MORC4: variants seen among roughly 807,000 people sequenced by gnomAD.
MORC4 encodes MORC family CW-type zinc finger protein 4.
A neutral mutation model predicts 65.5 loss-of-function variants in MORC4; 22 were observed. The observed-to-expected ratio is 0.34, with a 90% CI of 0.24 to 0.48. MORC4 has a LOEUF of 0.48. Among genes scored for constraint, MORC4 ranks in the 20% least tolerant of loss-of-function variants. The probability of loss-of-function intolerance (pLI) is 0.99; values close to 1 mark genes in which losing one functional copy is unlikely to be tolerated. For synonymous variants in MORC4, 267 were observed against 255.8 expected, an observed-to-expected ratio of 1.04 and a Z score of -0.42; for missense variants, 624 against 703.0, an observed-to-expected ratio of 0.89 and a Z score of 1.27.
intron 14 of MORC4, among the ~76,000 whole-genome samples, chrX:106,943,911 A>G (rs1257371998): frequency 8.9e-6 from 1 of 112,750 alleles, no homozygotes. Flanking sequence ...ATGACCTTAA[A>G]TCATCTTCCA....
Position 106,941,226 on chromosome X carries a change from T to G in MORC4, c.*253A>C, listed in dbSNP as rs957580267. On this transcript the variant is annotated 3_prime_UTR_variant, in exon 17 of 17. Transcript: ENST00000355610. ...AATTAAAGCTTTCAGGTCACCTAGC[T>G]TAGTGACTATTGCTTTTCTGACCCT... The G allele has an allele frequency of 6.9e-6, 2 of 290,688 alleles. No individual in the cohort carries two copies. Among genetic ancestry groups the G allele is most frequent in the Non-Finnish European group, 1.2e-5 (2 of 165,607 alleles). The allele number at this position is 290,688 out of a possible 1,213,427, so 24.0% of individuals were successfully genotyped here.
intron 3 of MORC4, among the ~76,000 whole-genome samples, chrX:106,992,528 A>C (rs1935002225): frequency 8.9e-6 from 1 of 112,789 alleles, no homozygotes; most frequent in Admixed American, 9.4e-5. Flanking sequence ...CTCAACTACA[A>C]ATGTTTTAAA....
Position 106,986,190 on chromosome X carries a change from T to A in MORC4, c.319A>T (p.Thr107Ser). 5.0e-6 allele frequency: 6 copies of A among 1,189,674 alleles called. No homozygotes were observed. Among genetic ancestry groups the A allele is most frequent in the African/African-American group, 3.5e-5 (2 of 56,703 alleles). ...TGGCTCTTCTTTATTACTTTATCTG[T>A]AAAGCCAAAGCTGCAATTACACAAG... ...KLHRMLSFGF[T>S]DKVIKKSQCP... The change falls in exon 4 of 17, where the codon ACA becomes TCA. Residue 107 changes from threonine (T) to serine (S), a missense_variant. By Grantham distance (58) the Thr-to-Ser change is moderately conservative. Coordinates refer to ENST00000355610, the MANE Select transcript of MORC4 (RefSeq NM_024657.5).
chrX:106,976,523 T>C, intron 9 of MORC4, 61 bp downstream of exon 9: 1 of 740,642 alleles, frequency 1.4e-6, no homozygotes, highest in South Asian at 2.4e-5. Context: ...TTAGAGGCTT[T>C]AGAGAACAGA....
intron 12 of MORC4, 30 bp downstream of exon 12, chrX:106,956,906 G>A: frequency 9.0e-7 from 1 of 1,110,206 alleles, no homozygotes; most frequent in Non-Finnish European, 1.2e-6. Context: ...CTACCCTATG[G>A]TAGAGAACCC....
At position 106,986,149 on chromosome X, in the gene MORC4, G is replaced by A; in HGVS notation, c.360C>T (p.Val120=). 8.3e-7 allele frequency: 1 copy of A among 1,210,502 alleles called. No homozygotes were observed. The highest frequency in any genetic ancestry group is 1.1e-6 in the Non-Finnish European group (1 of 894,889). ...AGCCTGACTTGAAACCATTACCAAA[G>A]ACCCCAATGGGACACTGGCTCTTCT... ...VIKKSQCPIG[V]FGNGFKSGSM... Residue 120 remains valine, a synonymous_variant, in exon 4 of 17, where the codon GTC becomes GTT. Coordinates refer to ENST00000355610, the MANE Select transcript of MORC4 (RefSeq NM_024657.5).
intron 14 of MORC4, among the ~76,000 whole-genome samples, chrX:106,949,442 CCT>C (rs751664475): frequency 1.8e-5 from 2 of 111,970 alleles, no homozygotes; most frequent in South Asian, 7.4e-4. Context: ...GTCACACTTC[CCT>C]GTTTCTCTTC....
chrX:106,973,096 G>C (rs1292835846), intron 9 of MORC4, among the ~76,000 whole-genome samples: 1 of 112,321 alleles, frequency 8.9e-6, no homozygotes, highest in African/African-American at 3.2e-5. Flanking sequence ...CAGCTTTGAG[G>C]GTGGAGCCCT....
At chrX:106,985,342 A>G (rs906088364) in intron 4 of MORC4, 99 bp from the exon 5 acceptor site, 80 of 567,738 alleles carry the variant, frequency 1.4e-4, no homozygotes, top group Non-Finnish European at 2.1e-4. Flanking sequence ...AACTATAGAC[A>G]TACAGCATGC....
At chrX:106,954,786 G>GATAGAA (rs1934062825) in intron 14 of MORC4, 127 bp downstream of exon 14, 1 of 608,091 alleles carries the variant, frequency 1.6e-6, no homozygotes, top group African/African-American at 2.3e-5. Flanking sequence ...TTAAAATTGT[G>GATAGAA]TTTCTACTTC....
In MORC4 at chrX:106,981,492, C is replaced by A; in HGVS notation, c.675-15G>T. On this transcript the variant is annotated splice_polypyrimidine_tract_variant and intron_variant, in intron 5 of 16. Coordinates refer to ENST00000355610, the MANE Select transcript of MORC4 (RefSeq NM_024657.5). ...CATTTTTATTTCTGGGGAAAAGAGA[C>A]AAGTACCAATCTAACAAAAACTGGC... 8.5e-7 allele frequency: 1 copy of A among 1,171,989 alleles called. No individual in the cohort carries two copies. The highest frequency in any genetic ancestry group is 2.5e-5 in the Admixed American group (1 of 40,339).
chrX:106,940,832 A>G lies in MORC4; in HGVS notation c.*647T>C, dbSNP rs1933655310. The G allele has an allele frequency of 8.9e-6, 1 of 112,118 alleles. No individual in the cohort carries two copies. The highest frequency in any genetic ancestry group is 3.2e-5 in the African/African-American group (1 of 30,794). 9.2% of individuals were successfully genotyped at this position (112,118 alleles called of 1,213,427 possible). On this transcript the variant is annotated 3_prime_UTR_variant, in exon 17 of 17. Transcript: ENST00000355610. ...GCAGGAAGATAGGAAGAAGAAAAAT[A>G]TCAACCATAGTCCTACCACCTAAAG... is the stretch of plus-strand genomic sequence containing the variant.
At chrX:106,992,987 C>A (rs1458633284) in intron 3 of MORC4, among the ~76,000 whole-genome samples, 1 of 112,495 alleles carries the variant, frequency 8.9e-6, no homozygotes, top group Non-Finnish European at 1.9e-5. Context: ...ACATTCTGTA[C>A]CTTCTTATTA....
intron 5 of MORC4, among the ~76,000 whole-genome samples, chrX:106,982,214 T>G (rs1934760597): frequency 1.8e-5 from 2 of 112,173 alleles, no homozygotes; most frequent in Admixed American, 1.9e-4. Flanking sequence ...AGAACAGTAC[T>G]TCCCAAAATT....
intron 14 of MORC4, among the ~76,000 whole-genome samples, chrX:106,944,524 TTAAC>T (rs1933776764): frequency 1.8e-5 from 2 of 111,617 alleles, no homozygotes; most frequent in Non-Finnish European, 3.8e-5. Flanking sequence ...GGTTCTGTCC[TTAAC>T]TATCTTCTCT....
chrX:106,993,410 G>A, intron 2 of MORC4, 48 bp from the exon 3 acceptor site: 11 of 1,157,593 alleles, frequency 9.5e-6, no homozygotes, highest in Non-Finnish European at 1.3e-5. Context: ...TTCCAATATT[G>A]TATCAAAATC....
At chrX:106,975,133 T>TG (rs1218852288) in intron 9 of MORC4, among the ~76,000 whole-genome samples, 1 of 111,510 alleles carries the variant, frequency 9.0e-6, no homozygotes, top group African/African-American at 3.3e-5. Context: ...AAGGTAGACT[T>TG]GGGGGGTTGG....
At chrX:106,948,056 G>T (rs1360743287) in intron 14 of MORC4, among the ~76,000 whole-genome samples, 2 of 110,855 alleles carry the variant, frequency 1.8e-5, no homozygotes, top group Non-Finnish European at 3.8e-5. Flanking sequence ...CGCCTTCTTT[G>T]TTCCTTTGAC....
At position 106,942,626 on chromosome X, in the gene MORC4, G is replaced by A. The variant is rs142067481; in HGVS notation, c.2265C>T (p.Ser755=). 2.7e-4 allele frequency: 322 copies of A among 1,209,146 alleles called. No individual in the cohort carries two copies. Among genetic ancestry groups the A allele is most frequent in the Non-Finnish European group, 5.5e-5 (49 of 894,848 alleles). Residue 755 remains serine (S), a synonymous_variant, in exon 15 of 17, where the codon AGC becomes AGT. Transcript: ENST00000355610. ...TCAACTTTGGTGTATTATGACCTTC[G>A]CTCTCCTCATAGCCTCTTGCTTTCT... ...IGEKARGYEE[S]EGHNTPKLKN...
Sources: gnomAD v4.1 joint callset for allele counts (sites outside exome capture counted in the v4.1 genomes callset) on GRCh38, gnomAD v4.1.1 for gene constraint, MANE v1.5 for transcripts, NCBI Gene and HGNC (gene_info 2026-07-23, HGNC 2026-07-21) for gene names.